Variants in ZNF536 observed in about 807,000 individuals in gnomAD.
ZNF536 encodes zinc finger protein 536.
A neutral mutation model predicts 84.5 loss-of-function variants in ZNF536; 13 were observed. The observed-to-expected ratio is 0.15, with a 90% CI of 0.10 to 0.24. The LOEUF is 0.24. ZNF536 is among the 10% of genes least tolerant of loss of function. The probability of loss-of-function intolerance (pLI) is 1.00; values close to 1 mark genes in which losing one functional copy is unlikely to be tolerated. For missense variants in ZNF536, 1,536 were observed against 1,747.5 expected, an observed-to-expected ratio of 0.88 and a Z score of 2.16; for synonymous variants, 811 against 742.5, an observed-to-expected ratio of 1.09 and a Z score of -1.50.
Position 30,518,777 on chromosome 19 carries a change from CCAGA to C in ZNF536, c.2171-16064_2171-16061del, listed in dbSNP as rs2044195794. On this transcript the variant is annotated intron_variant, in intron 2 of 4. Coordinates refer to ENST00000355537, the MANE Select transcript of ZNF536 (RefSeq NM_014717.3). ...TAAAGGTTGGGGGTGCCACCGTAAA[CCAGA>C]CAGACCACAGGTTTGCCATGGAAGT... Among the ~76,000 whole-genome samples, 3 of 152,246 alleles carry C rather than the reference CCAGA, an allele frequency of 2.0e-5. No homozygotes were observed. In the East Asian group the frequency reaches 5.8e-4, roughly 29 times the overall value.
At chr19:30,470,889 T>C (rs942857415) in intron 2 of ZNF536, among the ~76,000 whole-genome samples, 4 of 152,060 alleles carry the variant, frequency 2.6e-5, no homozygotes, top group Non-Finnish European at 5.9e-5. Flanking sequence ...GGTTTCACCA[T>C]GTTGTCCAAA....
At chr19:30,702,342 C>T (rs1228378862) in intron 1 of ZNF536, among the ~76,000 whole-genome samples, 2 of 152,156 alleles carry the variant, frequency 1.3e-5, no homozygotes, top group Non-Finnish European at 2.9e-5. Flanking sequence ...CACGGCTCTA[C>T]GGCGCAGCGA....
intron 2 of ZNF536, among the ~76,000 whole-genome samples, chr19:30,474,827 A>G (rs1470745313): frequency 6.6e-6 from 1 of 152,064 alleles, no homozygotes; most frequent in Non-Finnish European, 1.5e-5. Flanking sequence ...ATTAAACTAC[A>G]TTAGAGAGTA....
At chr19:30,605,602 G>A (rs1289459591) in intron 1 of ZNF536, among the ~76,000 whole-genome samples, 1 of 152,144 alleles carries the variant, frequency 6.6e-6, no homozygotes, top group East Asian at 1.9e-4. Context: ...GGGCACTTAG[G>A]TTGGTTCCAT....
At chr19:30,624,094 G>A (rs1403895390) in intron 1 of ZNF536, among the ~76,000 whole-genome samples, 1 of 152,162 alleles carries the variant, frequency 6.6e-6, no homozygotes, top group Non-Finnish European at 1.5e-5. Context: ...ATTGTGGGGT[G>A]TGTGGCACTC....
chr19:30,297,933 T>G (rs1600122939), intron 2 of ZNF536, among the ~76,000 whole-genome samples: 1 of 140,232 alleles, frequency 7.1e-6, no homozygotes, highest in Non-Finnish European at 1.5e-5. Context: ...CAGGCTGGAG[T>G]GCAGTGGTGC....
At chr19:30,226,142 G>C (rs1187968490), upstream of ZNF536, among the ~76,000 whole-genome samples, 1 of 150,946 alleles carries the variant, frequency 6.6e-6, no homozygotes, top group Non-Finnish European at 1.5e-5. This position sits in a 1 kb window ranked among gnomAD's most constrained non-coding sequence, Gnocchi z 4.6. Flanking sequence ...CAGCTCCGGG[G>C]ACCCGGCCGG....
At chr19:30,669,285 C>G (rs1213895834) in intron 1 of ZNF536, among the ~76,000 whole-genome samples, 1 of 152,220 alleles carries the variant, frequency 6.6e-6, no homozygotes, top group Non-Finnish European at 1.5e-5. Flanking sequence ...ACGCGCTTCC[C>G]TAAACTGGGC....
In ZNF536 at chr19:30,488,565, T is replaced by TAA. The variant is rs57555635; in HGVS notation, c.2170+42844_2170+42845dup. On this transcript the variant is annotated intron_variant, in intron 2 of 4. Transcript: ENST00000355537. ...AAAATTATTTAGCTATTTTTTTAAT[T>TAA]AAAAAAAAAAAACAACCCTGAGAGT... is the stretch of plus-strand genomic sequence containing the variant. Among the ~76,000 whole-genome samples the TAA allele has an allele frequency of 4.6e-3, 669 of 145,748 alleles. 2 individuals are homozygous for TAA. The highest frequency in any genetic ancestry group is 0.015 in the African/African-American group (605 of 40,164).
chr19:30,345,949 G>T (rs780572408), intron 2 of ZNF536, among the ~76,000 whole-genome samples: 3 of 152,224 alleles, frequency 2.0e-5, no homozygotes, highest in African/African-American at 7.2e-5. Flanking sequence ...TCAAACTCCC[G>T]TGTACAGCAC....
intron 1 of ZNF536, among the ~76,000 whole-genome samples, chr19:30,237,584 A>G (rs150895377): frequency 2.2e-4 from 34 of 152,328 alleles, no homozygotes; most frequent in Middle Eastern, 3.4e-3. Context: ...AATCTCTATC[A>G]TCAACGGACT....
intron 2 of ZNF536, among the ~76,000 whole-genome samples, chr19:30,523,023 GC>G (rs138448216): frequency 0.11 from 17,465 of 152,052 alleles, 1,250 homozygotes; most frequent in East Asian, 0.3. Context: ...TGGGAGGATT[GC>G]CTGGGGTTTT....
At chr19:30,536,456 G>T (rs923211437) in intron 3 of ZNF536, among the ~76,000 whole-genome samples, 14 of 152,052 alleles carry the variant, frequency 9.2e-5, no homozygotes, top group African/African-American at 2.4e-4. Flanking sequence ...GGGCTCCATC[G>T]CTTATTTGTC....
intron 1 of ZNF536, among the ~76,000 whole-genome samples, chr19:30,425,761 G>A (rs539047326): frequency 6.6e-6 from 1 of 152,308 alleles, no homozygotes; most frequent in South Asian, 2.1e-4. Flanking sequence ...CATTCTGAAT[G>A]GCTCAAACTG....
chr19:30,652,783 G>C (rs1334929244), intron 1 of ZNF536, among the ~76,000 whole-genome samples: 1 of 152,174 alleles, frequency 6.6e-6, no homozygotes, highest in African/African-American at 2.4e-5. Context: ...GAGCTGAGTG[G>C]CATTGTTCCG....
At chr19:30,637,738 G>A (rs956049359) in intron 1 of ZNF536, among the ~76,000 whole-genome samples, 1 of 152,092 alleles carries the variant, frequency 6.6e-6, no homozygotes, top group African/African-American at 2.4e-5. Flanking sequence ...TGAGATACTT[G>A]GCGAGAGTAG....
chr19:30,569,556 G>GTTTTTTTT (rs1193738249), intron 1 of ZNF536, among the ~76,000 whole-genome samples: 5 of 80,438 alleles, frequency 6.2e-5, no homozygotes, highest in Admixed American at 1.4e-4. Flanking sequence ...CCAGATAAAC[G>GTTTTTTTT]TTCTTTTTTT....
chr19:30,274,869 A>T (rs2026040822), intron 1 of ZNF536, among the ~76,000 whole-genome samples: 1 of 152,244 alleles, frequency 6.6e-6, no homozygotes, highest in African/African-American at 2.4e-5. Flanking sequence ...AAGATGCATT[A>T]CTTCATAGAT....
rs1468435515 is a variant in ZNF536, at chr19:30,522,272, T to C, written c.2171-12575T>C. ...AGCTGGATATATATACATATATATATACATATATATAATATATATATAATT... is the reference window on the plus strand; with the variant it reads ...AGCTGGATATATATACATATATATACACATATATATAATATATATATAATT... On this transcript the variant is annotated intron_variant, in intron 2 of 4. Transcript: ENST00000355537. 8.0e-3 allele frequency among the ~76,000 whole-genome samples: 1,094 copies of C among 137,488 alleles called. 49 individuals carry two copies. Among genetic ancestry groups the C allele is most frequent in the Non-Finnish European group, 0.011 (708 of 63,366 alleles). The allele number at this position is 137,488 out of a possible 152,430, so 90.2% of individuals were successfully genotyped here.
Sources: gnomAD v4.1 joint callset for allele counts (sites outside exome capture counted in the v4.1 genomes callset) on GRCh38, gnomAD v4.1.1 for gene constraint, Gnocchi (gnomAD v3.1) non-coding constraint, MANE v1.5 for transcripts, NCBI Gene and HGNC (gene_info 2026-07-23, HGNC 2026-07-21) for gene names.